The following ZNF140 variants were observed in gnomAD, a reference collection of about 807,000 sequenced individuals.
ZNF140 encodes zinc finger protein 140 (clone pHZ-39).
Under a neutral mutation model 12.9 loss-of-function variants are expected in ZNF140, and 13 were observed. The ratio of observed to expected loss-of-function variants is 1.01; its 90% CI spans 0.66 to 1.60. The LOEUF (loss-of-function observed/expected upper bound fraction) is 1.60. ZNF140 is among the 40% of genes most tolerant of loss of function. The probability of loss-of-function intolerance (pLI) is 0.00; values close to 1 mark genes in which losing one functional copy is unlikely to be tolerated. For synonymous variants in ZNF140, 214 were observed against 186.7 expected (o/e 1.15, Z -1.19); for missense variants, 531 against 548.8 (o/e 0.97, Z 0.32).
At chr12:133,089,268 A>G (rs1242233602) in intron 4 of ZNF140, among the ~76,000 whole-genome samples, 2 of 151,138 alleles carry the variant, frequency 1.3e-5, no homozygotes, top group South Asian at 2.1e-4. Context: ...GCTGGAGTGC[A>G]GTGGTGCAAT....
rs1555291953 is a variant in ZNF140 at position 133,081,348 on chromosome 12, A to AAAATATATATATATATAT, written c.9+20_9+21insAATATATATATATATATA. 1.3e-5 allele frequency: 4 copies of AAAATATATATATATATAT among 318,824 alleles called. No individual in the cohort carries two copies. Among genetic ancestry groups the AAAATATATATATATATAT allele is most frequent in the Non-Finnish European group, 1.7e-5 (3 of 172,516 alleles). The allele number at this position is 318,824 out of a possible 1,614,324, so 19.7% of individuals were successfully genotyped here. A position where few individuals can be genotyped will look rare whatever the true frequency, so the allele number is the denominator to read the frequency against. ...GTCTCAGGTAAGCTAATGATTGATA[A>AAAATATATATATATATAT]ATATATATATATATATATATATAAA... On this transcript the variant is annotated intron_variant, in intron 2 of 4. Transcript: ENST00000355557.
Position 133,106,105 on chromosome 12 carries a change from G to A in ZNF140, c.828G>A (p.Arg276=). The A allele has an allele frequency of 2.5e-6, 4 of 1,614,100 alleles. No individual in the cohort carries two copies. Among genetic ancestry groups the A allele is most frequent in the Non-Finnish European group, 1.7e-6 (2 of 1,179,996 alleles). ...IHIGKKQYIC[R]KCGKAFSSGS... is the part of the protein sequence containing the mutation. Reference sequence around the variant, plus strand: ...TAGGAAAGAAACAATATATATGTAGGAAATGTGGTAAAGCATTTAGCAGTG... The same window carrying A: ...TAGGAAAGAAACAATATATATGTAGAAAATGTGGTAAAGCATTTAGCAGTG... The change falls in exon 5 of 5, where the codon AGG becomes AGA. Residue 276 remains arginine, a synonymous_variant. Transcript: ENST00000355557.
rs1172695600 is a variant in ZNF140, at chr12:133,096,218, CTT to C, written c.233-9289_233-9288del. On this transcript the variant is annotated intron_variant, in intron 4 of 4. Coordinates refer to ENST00000355557, the MANE Select transcript of ZNF140 (RefSeq NM_003440.4). ...TATTGAGACTAGAGAATGGCGATGACTTTTACCAAGTATACTGCTTGTAAACA... is the reference window on the plus strand; with the variant it reads ...TATTGAGACTAGAGAATGGCGATGACTTACCAAGTATACTGCTTGTAAACA... Among the ~76,000 whole-genome samples the C allele has an allele frequency of 2.6e-5, 4 of 152,094 alleles. No individual in the cohort carries two copies. In the East Asian group the frequency reaches 7.7e-4, roughly 29 times the overall value.
chr12:133,097,819 A>ATG (rs71079166), intron 4 of ZNF140, among the ~76,000 whole-genome samples: 23,112 of 143,124 alleles, frequency 0.16, 2,045 homozygotes, highest in Non-Finnish European at 0.21. Context: ...ACATCTAACC[A>ATG]TGTGTGTGTG....
At chr12:133,093,000 C>T (rs1037056856) in intron 4 of ZNF140, among the ~76,000 whole-genome samples, 4 of 150,926 alleles carry the variant, frequency 2.7e-5, no homozygotes, top group Admixed American at 1.3e-4. Flanking sequence ...ATTTGTGACC[C>T]GATTGACATT....
At chr12:133,082,856 C>A in intron 2 of ZNF140, 1 of 413,824 alleles carries the variant, frequency 2.4e-6, no homozygotes, top group Non-Finnish European at 4.2e-6. Flanking sequence ...GTGTATAATC[C>A]TTTATTTTGA....
chr12:133,099,377 G>A (rs1444708801), intron 4 of ZNF140, among the ~76,000 whole-genome samples: 7 of 150,510 alleles, frequency 4.7e-5, no homozygotes, highest in South Asian at 2.1e-4. Flanking sequence ...GGGTTTCACC[G>A]TGTTGGCCAG....
At chr12:133,102,918 G>A (rs1337066080) in intron 4 of ZNF140, among the ~76,000 whole-genome samples, 1 of 152,046 alleles carries the variant, frequency 6.6e-6, no homozygotes, top group Admixed American at 6.6e-5. Context: ...TATGTAATTA[G>A]CATTCTATTT....
intron 4 of ZNF140, chr12:133,084,238 GA>G (rs1207617253): frequency 9.0e-4 from 312 of 344,814 alleles, no homozygotes; most frequent in South Asian, 1.3e-3. Flanking sequence ...ACCTGAGAAA[GA>G]AAAAAAAAAT....
chr12:133,089,502 C>G lies in ZNF140; in HGVS notation c.232+5941C>G, dbSNP rs1490198551. ...GTGCTAGGATTGTAAGTGTGAGCCA[C>G]CACACGCAGCCTCATTTGATTTCTT... On this transcript the variant is annotated intron_variant, in intron 4 of 4. Transcript: ENST00000355557. Among the ~76,000 whole-genome samples, 3 of 152,286 alleles carry G rather than the reference C, an allele frequency of 2.0e-5. No homozygotes were observed. The East Asian group carries it at 5.8e-4, about 29-fold the overall frequency.
Position 133,105,891 on chromosome 12 carries a change from T to G in ZNF140, c.614T>G (p.Val205Gly). The change falls in exon 5 of 5, where the codon GTG becomes GGG. Residue 205 changes from valine to glycine, a missense_variant. By Grantham distance (109) the Val-to-Gly change is moderately radical. Coordinates refer to ENST00000355557, the MANE Select transcript of ZNF140 (RefSeq NM_003440.4). ...ACCTTTAGCCAGATTTCAAACCTTG[T>G]GAAACACCAAATGATACATACTGGA... ...GKTFSQISNLVKHQMIHTGKK... is the reference protein window; with the variant it reads ...GKTFSQISNLGKHQMIHTGKK... 1 of 1,614,118 alleles carries G rather than the reference T, an allele frequency of 6.2e-7. No individual in the cohort carries two copies. Among genetic ancestry groups the G allele is most frequent in the South Asian group, 1.1e-5 (1 of 91,078 alleles).
chr12:133,086,684 AT>A (rs1331554504), intron 4 of ZNF140, among the ~76,000 whole-genome samples: 1 of 151,930 alleles, frequency 6.6e-6, no homozygotes, highest in African/African-American at 2.4e-5. Context: ...TATGTTTAGT[AT>A]TTTTTTAGCC....
intron 4 of ZNF140, among the ~76,000 whole-genome samples, chr12:133,085,623 C>G (rs7315232): frequency 0.43 from 64,721 of 151,990 alleles, 14,125 homozygotes; most frequent in Non-Finnish European, 0.47. Context: ...TCCATCAGCT[C>G]TTTGCATTTG....
At chr12:133,082,672 T>C (rs1157229276) in intron 2 of ZNF140, 1 of 156,826 alleles carries the variant, frequency 6.4e-6, no homozygotes, top group East Asian at 1.8e-4. Context: ...TATGCCCCAT[T>C]TGAAGGGTGG....
intron 4 of ZNF140, 68 bp from the exon 5 acceptor site, chr12:133,105,442 G>A: frequency 6.9e-7 from 1 of 1,439,258 alleles, no homozygotes; most frequent in Non-Finnish European, 9.2e-7. Flanking sequence ...GCTAAAGAAG[G>A]GAGAAATGGC....
chr12:133,104,077 G>C (rs1955469663), intron 4 of ZNF140, among the ~76,000 whole-genome samples: 1 of 152,146 alleles, frequency 6.6e-6, no homozygotes, highest in African/African-American at 2.4e-5. Flanking sequence ...CTTACTGTGA[G>C]AGCAATAACA....
chr12:133,107,267 C>T lies in ZNF140; in HGVS notation c.*616C>T, dbSNP rs1018987281. The T allele has an allele frequency of 6.6e-6, 1 of 152,192 alleles. No individual in the cohort carries two copies. Among genetic ancestry groups the T allele is most frequent in the African/African-American group, 2.4e-5 (1 of 41,444 alleles). 9.4% of individuals were successfully genotyped at this position (152,192 alleles called of 1,614,324 possible). On this transcript the variant is annotated 3_prime_UTR_variant, in exon 5 of 5. Coordinates refer to ENST00000355557, the MANE Select transcript of ZNF140 (RefSeq NM_003440.4). ...ATCAGAGAATTACACTGTGGGAAAA[C>T]TACCATTGTAATAAGTGTAGCAAAA...
At chr12:133,083,959 CAAA>C (rs1236461703) in intron 4 of ZNF140, among the ~76,000 whole-genome samples, 3 of 123,036 alleles carry the variant, frequency 2.4e-5, no homozygotes, top group African/African-American at 3.0e-5. Flanking sequence ...GACTCCATCT[CAAA>C]AAAAAAAAAA....
intron 4 of ZNF140, chr12:133,084,270 T>A (rs1954601006): frequency 2.7e-6 from 1 of 367,096 alleles, no homozygotes; most frequent in African/African-American, 2.2e-5. Flanking sequence ...TATTTTGCTG[T>A]TCTATTTAAT....
Sources: gnomAD v4.1 joint callset for allele counts (sites outside exome capture counted in the v4.1 genomes callset) on GRCh38, gnomAD v4.1.1 for gene constraint, MANE v1.5 for transcripts, NCBI Gene and HGNC (gene_info 2026-07-23, HGNC 2026-07-21) for gene names.